The following GFRA3 variants were observed in gnomAD, a reference collection of about 807,000 sequenced individuals.
The protein encoded by GFRA3 is GDNF family receptor alpha 3.
Under a neutral mutation model 40.0 loss-of-function variants are expected in GFRA3, and 24 were observed. The ratio of observed to expected loss-of-function variants is 0.60; its 90% CI spans 0.43 to 0.84. The LOEUF (loss-of-function observed/expected upper bound fraction) is 0.84, where lower values mean the gene tolerates loss of function less well. Among genes scored for constraint, GFRA3 ranks in the 40% least tolerant of loss-of-function variants. The pLI is 0.00. For missense variants in GFRA3, 405 were observed against 530.6 expected (o/e 0.76, Z 2.33); for synonymous variants, 203 against 213.5 (o/e 0.95, Z 0.43).
chr5:138,266,159 C>A (rs990912073), intron 1 of GFRA3, among the ~76,000 whole-genome samples: 1 of 152,130 alleles, frequency 6.6e-6, no homozygotes, highest in Non-Finnish European at 1.5e-5. Context: ...TGTTTGAACA[C>A]CTGTTTTTTG....
At chr5:138,269,792 G>A (rs532466254) in intron 1 of GFRA3, among the ~76,000 whole-genome samples, 4 of 146,618 alleles carry the variant, frequency 2.7e-5, no homozygotes, top group South Asian at 2.2e-4. Flanking sequence ...GCAGTGAGCC[G>A]AGATCATGCC....
chr5:138,274,498 C>G lies in GFRA3; in HGVS notation c.-74G>C. The G allele has an allele frequency of 8.1e-7, 1 of 1,241,768 alleles. No homozygotes were observed. Among genetic ancestry groups the G allele is most frequent in the Non-Finnish European group, 1.0e-6 (1 of 992,360 alleles). The allele number at this position is 1,241,768 out of a possible 1,614,324, so 76.9% of individuals were successfully genotyped here. A position where few individuals can be genotyped will look rare whatever the true frequency, so the allele number is the denominator to read the frequency against. On this transcript the variant is annotated 5_prime_UTR_variant, in exon 1 of 8. Transcript: ENST00000274721. ...AGCTCTGAGAGCGGGGCTCCCTCGA[C>G]CGGCACCTCCCGCCCCCGCCTCCCG...
At chr5:138,270,099 C>T (rs1194930971) in intron 1 of GFRA3, among the ~76,000 whole-genome samples, 2 of 150,810 alleles carry the variant, frequency 1.3e-5, no homozygotes, top group East Asian at 2.0e-4. Context: ...TGGTGGCTCA[C>T]GCCGGTAATC....
chr5:138,268,917 T>A (rs1581514021), intron 1 of GFRA3, among the ~76,000 whole-genome samples: 1 of 112,298 alleles, frequency 8.9e-6, no homozygotes, highest in African/African-American at 3.3e-5. Context: ...AGAGCAAGAC[T>A]CCATCTCAAA....
intron 1 of GFRA3, among the ~76,000 whole-genome samples, chr5:138,265,376 G>A (rs551711623): frequency 1.3e-5 from 2 of 151,712 alleles, no homozygotes; most frequent in African/African-American, 4.8e-5. Context: ...GCCATCACAC[G>A]CCCAGCTAAT....
At chr5:138,257,438 G>A (rs1755647538) in intron 4 of GFRA3, among the ~76,000 whole-genome samples, 1 of 152,162 alleles carries the variant, frequency 6.6e-6, no homozygotes, top group East Asian at 1.9e-4. Context: ...TATTTCCTGA[G>A]GTTTTACAGC....
At chr5:138,255,911 A>AG (rs1296276490) in intron 4 of GFRA3, among the ~76,000 whole-genome samples, 7 of 150,846 alleles carry the variant, frequency 4.6e-5, no homozygotes, top group Middle Eastern at 3.4e-3. Context: ...AAAAAAAAAA[A>AG]AAAAGAAGAA....
intron 1 of GFRA3, chr5:138,267,883 T>G (rs187830029): frequency 6.6e-5 from 10 of 152,038 alleles, no homozygotes; most frequent in African/African-American, 2.4e-4. Context: ...AAACATAAAG[T>G]GGGGAAAGAA....
chr5:138,265,562 T>C (rs1434880209), intron 1 of GFRA3, among the ~76,000 whole-genome samples: 1 of 152,014 alleles, frequency 6.6e-6, no homozygotes, highest in East Asian at 1.9e-4. Context: ...GCAAGTCCTG[T>C]CAACTCCATA....
chr5:138,262,757 CA>C (rs1755730026), intron 2 of GFRA3, among the ~76,000 whole-genome samples: 1 of 151,570 alleles, frequency 6.6e-6, no homozygotes, highest in African/African-American at 2.4e-5. Flanking sequence ...CTTAGATGCC[CA>C]TTCCTCCCCT....
At position 138,254,179 on chromosome 5, in the gene GFRA3, C is replaced by A; in HGVS notation, c.786-19G>T. 15 of 1,329,696 alleles carry A rather than the reference C, an allele frequency of 1.1e-5. No individual in the cohort carries two copies. The highest frequency in any genetic ancestry group is 1.8e-5 in the Admixed American group (1 of 56,390). The allele number at this position is 1,329,696 out of a possible 1,614,324, so 82.4% of individuals were successfully genotyped here. On this transcript the variant is annotated intron_variant, in intron 4 of 7. Transcript: ENST00000274721. ...GCGTGATCTGGAAGAAGGGAAATTT[C>A]TGTCTTTCTTTTTTTTTTTTTTTTG...
At chr5:138,271,674 C>T (rs1296938863) in intron 1 of GFRA3, among the ~76,000 whole-genome samples, 1 of 149,686 alleles carries the variant, frequency 6.7e-6, no homozygotes, top group Non-Finnish European at 1.5e-5. Flanking sequence ...ACCTCCCAGG[C>T]TCAGGTGAAT....
chr5:138,262,246 G>C (rs1351129430), intron 2 of GFRA3, among the ~76,000 whole-genome samples: 1 of 152,142 alleles, frequency 6.6e-6, no homozygotes, highest in Non-Finnish European at 1.5e-5. Flanking sequence ...TGTGGCCAAA[G>C]AGAAAACTGA....
Position 138,259,725 on chromosome 5 carries a change from C to T in GFRA3, c.380-76G>A, listed in dbSNP as rs1022374462. 8.9e-6 allele frequency: 7 copies of T among 782,148 alleles called. No homozygotes were observed. In the African/African-American group the frequency reaches 1.0e-4, roughly 11 times the overall value. The allele number at this position is 782,148 out of a possible 1,614,324, so 48.5% of individuals were successfully genotyped here. ...GCTGGAGGGGCTGAAGCTGCTGGCT[C>T]AGACCTCAAAGGCCTGTGGAGAAAA... On this transcript the variant is annotated intron_variant, in intron 2 of 7. Coordinates refer to ENST00000274721, the MANE Select transcript of GFRA3 (RefSeq NM_001496.4).
At chr5:138,259,871 G>A (rs1379525428) in intron 2 of GFRA3, among the ~76,000 whole-genome samples, 1 of 152,082 alleles carries the variant, frequency 6.6e-6, no homozygotes, top group Non-Finnish European at 1.5e-5. Context: ...GCTACCATTT[G>A]TTAAGCACAC....
intron 1 of GFRA3, among the ~76,000 whole-genome samples, chr5:138,265,703 TTTTC>T: frequency 6.6e-6 from 1 of 152,206 alleles, no homozygotes; most frequent in East Asian, 1.9e-4. Context: ...TTCTTCTCCT[TTTTC>T]TTTTTTAGAT....
intron 1 of GFRA3, among the ~76,000 whole-genome samples, chr5:138,265,461 G>A (rs758044522): frequency 1.9e-4 from 29 of 151,868 alleles, no homozygotes; most frequent in Non-Finnish European, 3.4e-4. Context: ...CGGGTAATCC[G>A]CCCACCTTAG....
intron 2 of GFRA3, among the ~76,000 whole-genome samples, chr5:138,264,047 G>A (rs1029826812): frequency 1.3e-5 from 2 of 152,184 alleles, no homozygotes; most frequent in Admixed American, 6.5e-5. Context: ...CATGTTGCCA[G>A]GTAAGAAAGG....
intron 2 of GFRA3, among the ~76,000 whole-genome samples, chr5:138,261,383 T>A (rs1363216815): frequency 6.6e-6 from 1 of 152,152 alleles, no homozygotes; most frequent in Non-Finnish European, 1.5e-5. Context: ...TCTAGAAATT[T>A]CAGGACTTCC....
Sources: gnomAD v4.1 joint callset for allele counts (sites outside exome capture counted in the v4.1 genomes callset) on GRCh38, gnomAD v4.1.1 for gene constraint, MANE v1.5 for transcripts, NCBI Gene and HGNC (gene_info 2026-07-23, HGNC 2026-07-21) for gene names.